SULF1: variants seen among roughly 807,000 people sequenced by gnomAD.
SULF1 encodes sulfatase 1, also known as extracellular sulfatase Sulf-1.
In SULF1, 46 loss-of-function variants were observed where a neutral mutation model predicts 110.5. The observed-to-expected ratio is 0.42, with a 90% CI of 0.33 to 0.53. The LOEUF is 0.53. SULF1 is among the 20% of genes least tolerant of loss of function. The pLI is 0.12. For missense variants in SULF1, 941 were observed against 1,094.2 expected, an observed-to-expected ratio of 0.86 and a Z score of 1.98; for synonymous variants, 371 against 387.1, an observed-to-expected ratio of 0.96 and a Z score of 0.49.
At position 69,601,811 on chromosome 8, in the gene SULF1, G is replaced by A. The variant is rs1790621232; in HGVS notation, c.1043G>A (p.Ser348Asn). The A allele has an allele frequency of 3.1e-6, 5 of 1,611,306 alleles. No individual in the cohort carries two copies. In the African/African-American group the frequency reaches 6.7e-5, roughly 22 times the overall value. The stretch of plus-strand genomic sequence containing the variant: ...GTGCCTTTTTTTATTCGTGGTCCAA[G>A]TGTAGAACCAGGATCAATGTACGTA... ...IRVPFFIRGP[S>N]VEPGSIVPQI... Residue 348 changes from serine to asparagine, a missense_variant, in exon 10 of 23, where the codon AGT becomes AAT. Around this residue, in one of 3 missense-constraint regions of SULF1, gnomAD observed 822 missense variants for 934.3 expected, o/e 0.88. Coordinates refer to ENST00000402687, the MANE Select transcript of SULF1 (RefSeq NM_001128205.2).
intron 8 of SULF1, among the ~76,000 whole-genome samples, chr8:69,595,200 A>G (rs1185431029): frequency 6.6e-6 from 1 of 152,210 alleles, no homozygotes; most frequent in African/African-American, 2.4e-5. Context: ...AGGAAGGCCC[A>G]GATGGTTTTG....
At chr8:69,611,619 A>G (rs1488906216) in intron 13 of SULF1, among the ~76,000 whole-genome samples, 1 of 152,228 alleles carries the variant, frequency 6.6e-6, no homozygotes, top group Non-Finnish European at 1.5e-5. Context: ...TTTTAAACAC[A>G]TGTCCACATG....
At chr8:69,537,393 G>A (rs571651955) in intron 3 of SULF1, among the ~76,000 whole-genome samples, 1 of 152,250 alleles carries the variant, frequency 6.6e-6, no homozygotes, top group South Asian at 2.1e-4. Context: ...CCTCAACCTT[G>A]TCTTCTATGA....
chr8:69,642,108 T>C, intron 22 of SULF1: 1 of 513,942 alleles, frequency 1.9e-6, no homozygotes, highest in Non-Finnish European at 2.5e-6. Context: ...CAAAGAAATG[T>C]GAACTTAATT....
At chr8:69,500,301 A>G (rs965161023) in intron 2 of SULF1, among the ~76,000 whole-genome samples, 3 of 152,242 alleles carry the variant, frequency 2.0e-5, no homozygotes, top group East Asian at 3.9e-4. Context: ...CATCAACCCT[A>G]TGGGGTAGAT....
chr8:69,627,911 G>C (rs3802274), intron 17 of SULF1, 45 bp downstream of exon 17: 2 of 1,456,572 alleles, frequency 1.4e-6, no homozygotes, highest in African/African-American at 2.8e-5. Flanking sequence ...ATTCATTTCC[G>C]CACAAGCCAG....
intron 19 of SULF1, among the ~76,000 whole-genome samples, chr8:69,631,556 AAAAAT>A (rs1264522588): frequency 2.0e-5 from 3 of 152,376 alleles, no homozygotes; most frequent in Non-Finnish European, 2.9e-5. Flanking sequence ...ACGCTGTCTC[AAAAAT>A]AAAATAAAAT....
chr8:69,606,609 A>C (rs1586533853), intron 13 of SULF1, among the ~76,000 whole-genome samples: 1 of 152,288 alleles, frequency 6.6e-6, no homozygotes. Flanking sequence ...AATTTTACAA[A>C]CCTCTCCATA....
At chr8:69,628,028 C>G in intron 17 of SULF1, 143 bp from the exon 18 acceptor site, 1 of 894,510 alleles carries the variant, frequency 1.1e-6, no homozygotes, top group East Asian at 2.4e-5. Context: ...TAAACTTAAG[C>G]AGAAAGTAAA....
At chr8:69,651,394 CTAAT>C (rs1228690118) in intron 22 of SULF1, among the ~76,000 whole-genome samples, 1 of 152,102 alleles carries the variant, frequency 6.6e-6, no homozygotes, top group African/African-American at 2.4e-5. Context: ...AGAGATATGT[CTAAT>C]TGAGTGACCT....
chr8:69,612,330 T>C (rs1808726654), intron 13 of SULF1, among the ~76,000 whole-genome samples: 1 of 152,186 alleles, frequency 6.6e-6, no homozygotes, highest in Non-Finnish European at 1.5e-5. Flanking sequence ...CATGTGTCCT[T>C]TTCATATAAT....
At position 69,616,547 on chromosome 8, in the gene SULF1, G is replaced by T. The variant is rs371198646; in HGVS notation, c.1378-4488G>T. On this transcript the variant is annotated intron_variant, in intron 13 of 22. Coordinates refer to ENST00000402687, the MANE Select transcript of SULF1 (RefSeq NM_001128205.2). ...CTCCCAAGTAGCTGGGACTATAGGCGTGTGCCACCATGCCCAGCTAATTTT... is the reference window on the plus strand; with the variant it reads ...CTCCCAAGTAGCTGGGACTATAGGCTTGTGCCACCATGCCCAGCTAATTTT... 9.9e-5 allele frequency among the ~76,000 whole-genome samples: 15 copies of T among 151,794 alleles called. No homozygotes were observed. The South Asian group carries it at 3.1e-3, about 32-fold the overall frequency.
intron 22 of SULF1, among the ~76,000 whole-genome samples, chr8:69,648,819 C>T (rs1812121188): frequency 6.6e-6 from 1 of 152,198 alleles, no homozygotes; most frequent in African/African-American, 2.4e-5. Context: ...TCTTAAATTA[C>T]CCGTCTGTGG....
At chr8:69,483,637 T>C (rs1200227835) in intron 1 of SULF1, among the ~76,000 whole-genome samples, 1 of 152,136 alleles carries the variant, frequency 6.6e-6, no homozygotes, top group Non-Finnish European at 1.5e-5. Context: ...AGCAATGTTC[T>C]TGCCGGCACG....
intron 22 of SULF1, among the ~76,000 whole-genome samples, chr8:69,653,740 C>T (rs1216717435): frequency 6.6e-6 from 1 of 152,194 alleles, no homozygotes; most frequent in Non-Finnish European, 1.5e-5. Context: ...TGATGATCAG[C>T]CCAGCTCCCA....
At chr8:69,479,273 T>C (rs558005626) in intron 1 of SULF1, among the ~76,000 whole-genome samples, 2 of 152,298 alleles carry the variant, frequency 1.3e-5, no homozygotes, top group African/African-American at 4.8e-5. Context: ...GACAATTCTG[T>C]TTTCAAGGAC....
In SULF1 at chr8:69,603,642, C is replaced by A; in HGVS notation, c.1233C>A (p.Phe411Leu). The change falls in exon 12 of 23, where the codon TTC (phenylalanine) becomes TTA (leucine). Residue 411 changes from phenylalanine to leucine, a missense_variant. Around this residue, in one of 3 missense-constraint regions of SULF1, gnomAD observed 822 missense variants for 934.3 expected, o/e 0.88. Transcript: ENST00000402687. ...NKKAKIWRDTFLVERGKFLRK... is the reference protein window; with the variant it reads ...NKKAKIWRDTLLVERGKFLRK... Reference sequence around the variant, plus strand: ...AGGCCAAAATTTGGCGTGATACATTCCTAGTGGAAAGAGGGTAATTATTGG... The same window carrying A: ...AGGCCAAAATTTGGCGTGATACATTACTAGTGGAAAGAGGGTAATTATTGG... 2 of 1,613,104 alleles carry A rather than the reference C, an allele frequency of 1.2e-6. No individual in the cohort carries two copies. The highest frequency in any genetic ancestry group is 1.7e-6 in the Non-Finnish European group (2 of 1,179,044).
chr8:69,645,417 G>A (rs1811818508), intron 22 of SULF1, among the ~76,000 whole-genome samples: 1 of 152,074 alleles, frequency 6.6e-6, no homozygotes, highest in African/African-American at 2.4e-5. Context: ...ATATATAGGG[G>A]GAAAATGTGC....
intron 5 of SULF1, 123 bp from the exon 6 acceptor site, chr8:69,575,847 G>A (rs1372356131): frequency 7.8e-6 from 9 of 1,156,768 alleles, no homozygotes; most frequent in African/African-American, 3.1e-5. Flanking sequence ...TCAAATTATA[G>A]ACTCCTTTAA....
Sources: allele counts gnomAD v4.1 joint callset (sites outside exome capture counted in the v4.1 genomes callset), GRCh38; gene constraint gnomAD v4.1.1; regional missense constraint gnomAD v4.1.1; transcripts MANE v1.5; gene names NCBI Gene and HGNC (gene_info 2026-07-23, HGNC 2026-07-21).